Variants in RELB observed in about 807,000 individuals in gnomAD.
The protein encoded by RELB is RELB proto-oncogene, NF-kB subunit.
A neutral mutation model predicts 55.4 loss-of-function variants in RELB; 14 were observed. The ratio of observed to expected loss-of-function variants is 0.25; its 90% CI spans 0.17 to 0.40. The LOEUF is 0.40. RELB is among the 10% of genes least tolerant of loss of function. RELB has a pLI of 1.00. For missense variants in RELB, 669 were observed against 830.7 expected, an observed-to-expected ratio of 0.81 and a Z score of 2.39; for synonymous variants, 409 against 371.3, an observed-to-expected ratio of 1.10 and a Z score of -1.17.
chr19:45,014,957 C>T (rs1971405414), intron 4 of RELB, among the ~76,000 whole-genome samples: 1 of 146,834 alleles, frequency 6.8e-6, no homozygotes, highest in Non-Finnish European at 1.5e-5. Context: ...GGCTGGAGTG[C>T]AGTGGTGTGA....
In RELB at chr19:45,012,070, C is replaced by T. The variant is rs746148313; in HGVS notation, c.298C>T (p.Pro100Ser). 1 of 1,550,042 alleles carries T rather than the reference C, an allele frequency of 6.5e-7. No homozygotes were observed. Among genetic ancestry groups the T allele is most frequent in the South Asian group, 1.2e-5 (1 of 84,216 alleles). The change falls in exon 4 of 12, where the codon CCC becomes TCC. Residue 100 changes from proline to serine, a missense_variant. This residue lies in a region of RELB where 323 missense variants were observed against 368.5 expected (regional missense o/e 0.88). Coordinates refer to ENST00000221452, the MANE Select transcript of RELB (RefSeq NM_006509.4). ...CACGGTCACCCTGGGCCCTGTGGCG[C>T]CCCCAGCCACGCCGCCGCCTTGGGG... ...LSTVTLGPVA[P>S]PATPPPWGCP...
At chr19:45,021,211 C>G (rs937735437) in intron 4 of RELB, among the ~76,000 whole-genome samples, 1 of 151,844 alleles carries the variant, frequency 6.6e-6, no homozygotes, top group Non-Finnish European at 1.5e-5. Context: ...CGGTGACTCA[C>G]GCCTGTAATC....
intron 4 of RELB, 68 bp from the exon 5 acceptor site, chr19:45,021,984 GC>G: frequency 6.8e-7 from 1 of 1,474,346 alleles, no homozygotes; most frequent in Non-Finnish European, 9.2e-7. Flanking sequence ...GCCAAGGAAG[GC>G]CCCAAGGAGT....
intron 7 of RELB, among the ~76,000 whole-genome samples, chr19:45,026,703 C>G (rs1437198070): frequency 6.6e-6 from 1 of 152,062 alleles, no homozygotes; most frequent in East Asian, 1.9e-4. Context: ...ACAGAATCAC[C>G]CTGGTAGACT....
intron 7 of RELB, among the ~76,000 whole-genome samples, chr19:45,028,595 A>C (rs1344244112): frequency 6.6e-6 from 1 of 152,066 alleles, no homozygotes; most frequent in Non-Finnish European, 1.5e-5. Context: ...CGGCCTCCCA[A>C]AGAGCTGGGA....
At chr19:45,012,346 C>T in intron 4 of RELB, 70 bp downstream of exon 4, 1 of 929,282 alleles carries the variant, frequency 1.1e-6, no homozygotes, top group East Asian at 3.2e-5. Flanking sequence ...CATCCACATG[C>T]ATTTATACGT....
intron 2 of RELB, among the ~76,000 whole-genome samples, chr19:45,009,183 C>T (rs1372384575): frequency 6.6e-6 from 1 of 152,156 alleles, no homozygotes; most frequent in African/African-American, 2.4e-5. Context: ...TGAGTTCAAG[C>T]GATTCTCCTG....
At chr19:45,035,376 G>A (rs1366468147) in intron 11 of RELB, among the ~76,000 whole-genome samples, 1 of 151,804 alleles carries the variant, frequency 6.6e-6, no homozygotes, top group East Asian at 1.9e-4. Context: ...AAAATTAGCC[G>A]AGTGTGGTGG....
rs571555196 is a variant in RELB, at chr19:45,025,429, C to A, written c.754+9C>A. Reference sequence around the variant, plus strand: ...CATTGACCCCTACAACGGTGAGCACCCCCTGCCTGACCTGACCATCCCGTC... The same window carrying A: ...CATTGACCCCTACAACGGTGAGCACACCCTGCCTGACCTGACCATCCCGTC... On this transcript the variant is annotated intron_variant, in intron 6 of 11. Transcript: ENST00000221452. The A allele has an allele frequency of 3.2e-5, 51 of 1,607,808 alleles. No individual in the cohort carries two copies. The East Asian group carries it at 1.1e-3, about 35-fold the overall frequency.
intron 5 of RELB, 115 bp from the exon 6 acceptor site, chr19:45,025,214 T>C: frequency 1.4e-6 from 1 of 717,898 alleles, no homozygotes; most frequent in Non-Finnish European, 2.4e-6. Flanking sequence ...GGGCCTGGGA[T>C]GTCAGCCCCT....
chr19:45,005,748 C>T (rs35018076), intron 2 of RELB, among the ~76,000 whole-genome samples: 19 of 152,244 alleles, frequency 1.2e-4, no homozygotes, highest in Non-Finnish European at 2.4e-4. Flanking sequence ...AGATTATAGG[C>T]GTGTGCCACC....
In RELB at chr19:45,001,617, C is replaced by T. The variant is rs1054082920; in HGVS notation, c.38C>T (p.Pro13Leu). 6.6e-6 allele frequency: 10 copies of T among 1,519,624 alleles called. No individual in the cohort carries two copies. In the Admixed American group the frequency reaches 1.0e-4, roughly 15 times the overall value. The allele number at this position is 1,519,624 out of a possible 1,614,324, so 94.1% of individuals were successfully genotyped here. A position where few individuals can be genotyped will look rare whatever the true frequency, so the allele number is the denominator to read the frequency against. The stretch of plus-strand genomic sequence containing the variant: ...GGGCCAGCCTCTGGGCCGTCCGTCC[C>T]CACTGGCCGGGCCATGCCGAGTCGC... ...RSGPASGPSV[P>L]TGRAMPSRRV... The change falls in exon 1 of 12, where the codon CCC (proline) becomes CTC (leucine). Residue 13 changes from proline to leucine, a missense_variant. By Grantham distance (98) the Pro-to-Leu change is moderately conservative. Coordinates refer to ENST00000221452, the MANE Select transcript of RELB (RefSeq NM_006509.4).
rs1568401750 is a variant in RELB, at chr19:45,022,221, CCT to C, written c.662+12_662+13del. 1 of 1,584,762 alleles carries C rather than the reference CCT, an allele frequency of 6.3e-7. No homozygotes were observed. The highest frequency in any genetic ancestry group is 1.7e-5 in the Admixed American group (1 of 57,612). ...CAGCCCCCGGCACAGGTACCCACCC[CCT>C]GACCTCCGACCTCTCATCCTTGATC... On this transcript the variant is annotated intron_variant, in intron 5 of 11. Transcript: ENST00000221452.
intron 2 of RELB, among the ~76,000 whole-genome samples, chr19:45,004,923 A>C (rs1402433513): frequency 6.6e-6 from 1 of 152,018 alleles, no homozygotes; most frequent in Admixed American, 6.6e-5. Context: ...TGATCCCAGC[A>C]CTTTGGGAGG....
chr19:45,012,303 G>T, intron 4 of RELB, 27 bp downstream of exon 4: 2 of 1,341,506 alleles, frequency 1.5e-6, no homozygotes, highest in Non-Finnish European at 1.9e-6. Flanking sequence ...GCCCCGGGCG[G>T]GTGGGACTGG....
chr19:45,037,306 T>G, intron 11 of RELB, 99 bp from the exon 12 acceptor site: 9 of 1,242,038 alleles, frequency 7.2e-6, no homozygotes, highest in Non-Finnish European at 8.6e-6. Flanking sequence ...AAAGGCCACC[T>G]TGATATCACA....
intron 5 of RELB, among the ~76,000 whole-genome samples, chr19:45,023,442 T>G (rs1210711349): frequency 1.4e-5 from 2 of 146,686 alleles, no homozygotes; most frequent in African/African-American, 5.0e-5. Flanking sequence ...CCGTCCTTCT[T>G]TCTTTCTTTC....
chr19:45,012,940 A>G (rs1419651203), intron 4 of RELB, among the ~76,000 whole-genome samples: 1 of 151,562 alleles, frequency 6.6e-6, no homozygotes, highest in East Asian at 2.0e-4. Context: ...TCCTAGCTAC[A>G]TGGTAGGGCT....
In RELB at chr19:45,020,848, C is replaced by T. The variant is rs534303556; in HGVS notation, c.505-1205C>T. 4.6e-5 allele frequency among the ~76,000 whole-genome samples: 7 copies of T among 152,126 alleles called. No homozygotes were observed. In the East Asian group the frequency reaches 1.4e-3, roughly 30 times the overall value. On this transcript the variant is annotated intron_variant, in intron 4 of 11. Transcript: ENST00000221452. ...CTGGGATTACAGGCGTGAGCCACCG[C>T]ACCCGGCCATGGCACCCATCTTTAT... is the stretch of plus-strand genomic sequence containing the variant.
Sources: allele counts gnomAD v4.1 joint callset (sites outside exome capture counted in the v4.1 genomes callset), GRCh38; gene constraint gnomAD v4.1.1; regional missense constraint gnomAD v4.1.1; transcripts MANE v1.5; gene names NCBI Gene and HGNC (gene_info 2026-07-23, HGNC 2026-07-21).